Variants in ECE1 observed in about 807,000 individuals in gnomAD.
ECE1 encodes endothelin converting enzyme 1.
Under a neutral mutation model 98.6 loss-of-function variants are expected in ECE1, and 35 were observed. The observed-to-expected ratio is 0.35, with a 90% CI of 0.27 to 0.47. The LOEUF (loss-of-function observed/expected upper bound fraction) is 0.47. ECE1 is among the 20% of genes least tolerant of loss of function. The pLI is 1.00. For missense variants in ECE1, 814 were observed against 1,025.3 expected (o/e 0.79, Z 2.81); for synonymous variants, 394 against 407.1 (o/e 0.97, Z 0.39).
chr1:21,243,662 C>T (rs2098199501), intron 10 of ECE1, among the ~76,000 whole-genome samples: 1 of 152,206 alleles, frequency 6.6e-6, no homozygotes, highest in Admixed American at 6.5e-5. Context: ...ATCCTGGGTC[C>T]TGATCAAATC....
At chr1:21,330,226 CTTTTTTTTTTT>C (rs71014186) in intron 1 of ECE1, among the ~76,000 whole-genome samples, 17 of 43,402 alleles carry the variant, frequency 3.9e-4, no homozygotes, top group African/African-American at 9.6e-4. Context: ...TCGCCAAATA[CTTTTTTTTTTT>C]TTTTTTTTTT....
intron 1 of ECE1, among the ~76,000 whole-genome samples, chr1:21,320,384 C>A (rs1411523803): frequency 6.6e-6 from 1 of 151,972 alleles, no homozygotes; most frequent in Non-Finnish European, 1.5e-5. Flanking sequence ...ACGTTGCCTG[C>A]AGGGCTCATG....
At chr1:21,254,877 C>A (rs894209755) in intron 8 of ECE1, among the ~76,000 whole-genome samples, 57 of 152,158 alleles carry the variant, frequency 3.7e-4, no homozygotes, top group African/African-American at 1.3e-3. Context: ...GGCCCTAGCA[C>A]GGCCTGCATC....
At chr1:21,296,883 C>A (rs1638367746) in intron 1 of ECE1, among the ~76,000 whole-genome samples, 2 of 152,166 alleles carry the variant, frequency 1.3e-5, no homozygotes, top group Non-Finnish European at 2.9e-5. Flanking sequence ...GAGGGAGACT[C>A]CCCTTTGTAC....
intron 3 of ECE1, among the ~76,000 whole-genome samples, chr1:21,274,820 C>T (rs949400552): frequency 3.9e-5 from 6 of 152,010 alleles, no homozygotes; most frequent in Admixed American, 1.3e-4. Flanking sequence ...TGTTCACAGC[C>T]GAGAGGTGTG....
chr1:21,222,645 A>G (rs2098168922), intron 17 of ECE1, among the ~76,000 whole-genome samples: 1 of 152,048 alleles, frequency 6.6e-6, no homozygotes, highest in Non-Finnish European at 1.5e-5. Context: ...GTTTGAGACC[A>G]GCCTGGCCAA....
At chr1:21,234,177 G>A (rs1258946799) in intron 13 of ECE1, among the ~76,000 whole-genome samples, 3 of 151,504 alleles carry the variant, frequency 2.0e-5, no homozygotes, top group Non-Finnish European at 2.9e-5. Context: ...TAGTAAAGAC[G>A]GGGTTTCACC....
chr1:21,283,665 C>A (rs1476685835), intron 2 of ECE1, among the ~76,000 whole-genome samples: 1 of 152,178 alleles, frequency 6.6e-6, no homozygotes, highest in African/African-American at 2.4e-5. Flanking sequence ...GGAGAGAGAA[C>A]AGTGAGGCAA....
At chr1:21,344,682 A>G (rs1189131643) in intron 1 of ECE1, among the ~76,000 whole-genome samples, 2 of 152,056 alleles carry the variant, frequency 1.3e-5, no homozygotes, top group Non-Finnish European at 2.9e-5. Flanking sequence ...ACTCCTGCCT[A>G]TCGCAGTCAG....
At chr1:21,274,622 G>A (rs1208048066) in intron 3 of ECE1, among the ~76,000 whole-genome samples, 1 of 152,186 alleles carries the variant, frequency 6.6e-6, no homozygotes, top group Non-Finnish European at 1.5e-5. Flanking sequence ...GCTAGTATGG[G>A]CAGTGTTCCC....
chr1:21,231,702 T>C (rs1347641762), intron 14 of ECE1, among the ~76,000 whole-genome samples: 1 of 152,240 alleles, frequency 6.6e-6, no homozygotes, highest in Admixed American at 6.5e-5. Context: ...TAGCCCAGGC[T>C]GGAGTGCAGT....
Position 21,225,920 on chromosome 1 carries a change from C to T in ECE1, c.1850-480G>A, listed in dbSNP as rs28368036. Among the ~76,000 whole-genome samples the T allele has an allele frequency of 4.9e-3, 747 of 151,950 alleles. 3 individuals are homozygous for T. The highest frequency in any genetic ancestry group is 8.1e-3 in the Non-Finnish European group (553 of 67,940). Reference sequence around the variant, plus strand: ...ATGTTGGCCAGGCTGGTCTTGAACTCCTGACCTCAAGTGATCTGCCCACCT... The same window carrying T: ...ATGTTGGCCAGGCTGGTCTTGAACTTCTGACCTCAAGTGATCTGCCCACCT... On this transcript the variant is annotated intron_variant, in intron 16 of 18. Coordinates refer to ENST00000374893, the MANE Select transcript of ECE1 (RefSeq NM_001397.3). This position sits in a 1 kb window ranked among gnomAD's most constrained non-coding sequence, Gnocchi z 5.3.
chr1:21,317,591 C>G (rs1391909467), intron 1 of ECE1, among the ~76,000 whole-genome samples: 1 of 152,238 alleles, frequency 6.6e-6, no homozygotes, highest in Non-Finnish European at 1.5e-5. Flanking sequence ...TGCTCCCCAC[C>G]CGCTTCTCAG....
At position 21,220,196 on chromosome 1, in the gene ECE1, C is replaced by A. The variant is rs959110538; in HGVS notation, c.2137-65G>T. ...GGCCCTCGGGCTGCCAGACTGCCCC[C>A]ATTATAACAGCAGGGGAGGCCAGGT... On this transcript the variant is annotated intron_variant, in intron 18 of 18. Coordinates refer to ENST00000374893, the MANE Select transcript of ECE1 (RefSeq NM_001397.3). The surrounding 1 kb of genome is among the most constrained non-coding windows in gnomAD (Gnocchi z 5.0). 59 of 1,544,536 alleles carry A rather than the reference C, an allele frequency of 3.8e-5. No individual in the cohort carries two copies. In the East Asian group the frequency reaches 1.3e-3, roughly 34 times the overall value.
At chr1:21,338,994 C>T (rs866129586) in intron 1 of ECE1, among the ~76,000 whole-genome samples, 22 of 152,072 alleles carry the variant, frequency 1.4e-4, no homozygotes, top group African/African-American at 5.3e-4. Flanking sequence ...GGCTGCTCCT[C>T]CTGCTTAGAG....
chr1:21,319,310 T>A lies in ECE1; in HGVS notation c.3+26066A>T, dbSNP rs1233484245. On this transcript the variant is annotated intron_variant, in intron 1 of 18. Coordinates refer to the ECE1 transcript ENST00000415912. This position sits in a 1 kb window ranked among gnomAD's most constrained non-coding sequence, Gnocchi z 4.4. The stretch of plus-strand genomic sequence containing the variant: ...CAGTGAGCCGAGATCGCATCACTGC[T>A]TTCCAGCCTGGGAGACAGAGCGAGA... Among the ~76,000 whole-genome samples the A allele has an allele frequency of 6.6e-6, 1 of 152,152 alleles. No individual in the cohort carries two copies. The highest frequency in any genetic ancestry group is 2.4e-5 in the African/African-American group (1 of 41,442).
At chr1:21,303,663 T>G (rs6667174) in intron 1 of ECE1, among the ~76,000 whole-genome samples, 12,004 of 152,154 alleles carry the variant, frequency 0.079, 1,632 homozygotes, top group African/African-American at 0.27. Context: ...TGTTGTTGTT[T>G]TTTGAGACAG....
chr1:21,291,682 C>T (rs2098266741), upstream of ECE1, among the ~76,000 whole-genome samples: 3 of 152,132 alleles, frequency 2.0e-5, no homozygotes, highest in African/African-American at 7.2e-5. Flanking sequence ...AAAAAATCAG[C>T]TGGGCCTGGT....
chr1:21,249,405 A>G (rs1299372049), intron 8 of ECE1, among the ~76,000 whole-genome samples: 1 of 152,060 alleles, frequency 6.6e-6, no homozygotes, highest in Non-Finnish European at 1.5e-5. Context: ...GTTTAAGAGC[A>G]CAGTTCAAGG....
Sources: gnomAD v4.1 joint callset for allele counts (sites outside exome capture counted in the v4.1 genomes callset) on GRCh38, gnomAD v4.1.1 for gene constraint, Gnocchi (gnomAD v3.1) non-coding constraint, MANE v1.5 for transcripts, NCBI Gene and HGNC (gene_info 2026-07-23, HGNC 2026-07-21) for gene names.